Variants in MYO3A observed in about 807,000 individuals in gnomAD.
MYO3A encodes the protein myosin IIIA.
Under a neutral mutation model 192.7 loss-of-function variants are expected in MYO3A, and 180 were observed. The observed-to-expected ratio is 0.93, with a 90% CI of 0.83 to 1.06. The LOEUF (loss-of-function observed/expected upper bound fraction) is 1.06, where lower values mean the gene tolerates loss of function less well. Among genes scored for constraint, MYO3A ranks in the 50% least tolerant of loss-of-function variants. MYO3A has a pLI of 0.00. For missense variants in MYO3A, 1,896 were observed against 1,905.0 expected, an observed-to-expected ratio of 1.00 and a Z score of 0.09; for synonymous variants, 628 against 645.3, an observed-to-expected ratio of 0.97 and a Z score of 0.41.
At chr10:25,998,380 T>C (rs975942656) in intron 6 of MYO3A, among the ~76,000 whole-genome samples, 1 of 152,236 alleles carries the variant, frequency 6.6e-6, no homozygotes, top group African/African-American at 2.4e-5. Context: ...TAGTGTATCC[T>C]CAAACATGCA....
At chr10:26,184,479 C>A (rs531324254) in intron 31 of MYO3A, among the ~76,000 whole-genome samples, 1 of 152,266 alleles carries the variant, frequency 6.6e-6, no homozygotes, top group South Asian at 2.1e-4. Context: ...GATATTTCTG[C>A]AAATTATACT....
intron 14 of MYO3A, among the ~76,000 whole-genome samples, chr10:26,079,733 G>A (rs1302228512): frequency 6.6e-6 from 1 of 152,120 alleles, no homozygotes; most frequent in Non-Finnish European, 1.5e-5. Flanking sequence ...AATTCTCTCA[G>A]CATTTGTTCA....
At chr10:26,009,120 T>C (rs1335122370) in intron 6 of MYO3A, among the ~76,000 whole-genome samples, 1 of 151,712 alleles carries the variant, frequency 6.6e-6, no homozygotes, top group Admixed American at 6.6e-5. Context: ...AGTAAACTAT[T>C]GCAAGAACAA....
Position 25,989,028 on chromosome 10 carries a change from C to T in MYO3A, c.304-7462C>T, listed in dbSNP as rs1482942813. Among the ~76,000 whole-genome samples, 3 of 149,124 alleles carry T rather than the reference C, an allele frequency of 2.0e-5. No homozygotes were observed. The South Asian group carries it at 6.3e-4, about 32-fold the overall frequency. On this transcript the variant is annotated intron_variant, in intron 4 of 34. Coordinates refer to ENST00000642920, the MANE Select transcript of MYO3A (RefSeq NM_017433.5). ...GGGGTGCAGTAGCTCACTGCAGCCT[C>T]GAACTCATGGGCTCATGCAATCCTG...
chr10:25,948,613 A>G (rs1837012787), intron 2 of MYO3A, among the ~76,000 whole-genome samples: 1 of 152,122 alleles, frequency 6.6e-6, no homozygotes, highest in Admixed American at 6.5e-5. Context: ...ATTCATTTTT[A>G]TGTCAAATGC....
intron 18 of MYO3A, among the ~76,000 whole-genome samples, chr10:26,121,753 A>AAC (rs1241975664): frequency 8.6e-5 from 13 of 151,968 alleles, no homozygotes; most frequent in African/African-American, 9.7e-5. Context: ...TCTGTCTCAA[A>AAC]ACACACACAC....
chr10:25,944,302 G>A (rs147049060), intron 2 of MYO3A, among the ~76,000 whole-genome samples: 1 of 152,108 alleles, frequency 6.6e-6, no homozygotes, highest in East Asian at 1.9e-4. Flanking sequence ...TAGTTTGCCT[G>A]TATTTTGTTG....
intron 20 of MYO3A, among the ~76,000 whole-genome samples, chr10:26,141,133 C>T (rs1396095075): frequency 6.6e-6 from 1 of 152,030 alleles, no homozygotes; most frequent in Non-Finnish European, 1.5e-5. Flanking sequence ...TTCACTGTGA[C>T]AGCTAGGATG....
At chr10:25,991,155 C>T (rs1440937425) in intron 4 of MYO3A, among the ~76,000 whole-genome samples, 1 of 152,178 alleles carries the variant, frequency 6.6e-6, no homozygotes, top group Non-Finnish European at 1.5e-5. Context: ...CCTATTTCTC[C>T]ACATCCTCTC....
At chr10:26,000,873 T>A (rs1392264869) in intron 6 of MYO3A, among the ~76,000 whole-genome samples, 1 of 152,180 alleles carries the variant, frequency 6.6e-6, no homozygotes, top group Non-Finnish European at 1.5e-5. Flanking sequence ...TTCCACAGGC[T>A]GTGCATGAGG....
chr10:26,140,391 A>G (rs1840079240), intron 20 of MYO3A, among the ~76,000 whole-genome samples: 1 of 152,150 alleles, frequency 6.6e-6, no homozygotes, highest in Non-Finnish European at 1.5e-5. Flanking sequence ...TTCAATGAAA[A>G]ACAAGGGAGA....
intron 17 of MYO3A, among the ~76,000 whole-genome samples, chr10:26,120,192 A>G (rs1246373422): frequency 1.3e-5 from 2 of 151,966 alleles, no homozygotes; most frequent in African/African-American, 2.4e-5. Flanking sequence ...TTACGCTTAC[A>G]TTTAAACGAC....
chr10:26,022,551 C>T (rs1003009553), intron 8 of MYO3A: 1 of 152,050 alleles, frequency 6.6e-6, no homozygotes, highest in African/African-American at 2.4e-5. Context: ...AATACCTTGG[C>T]TATATATCAT....
At chr10:26,050,050 G>A (rs914027855) in intron 10 of MYO3A, among the ~76,000 whole-genome samples, 4 of 151,880 alleles carry the variant, frequency 2.6e-5, no homozygotes, top group Admixed American at 2.6e-4. Flanking sequence ...TGGTACAGAG[G>A]ACTGTAAAAG....
intron 4 of MYO3A, among the ~76,000 whole-genome samples, chr10:25,981,583 C>T (rs1274091621): frequency 6.6e-6 from 1 of 152,060 alleles, no homozygotes; most frequent in African/African-American, 2.4e-5. Flanking sequence ...GCTCTCAAAA[C>T]TCAACAATAA....
At chr10:26,203,983 A>G (rs940300363) in intron 34 of MYO3A, 3 of 152,226 alleles carry the variant, frequency 2.0e-5, no homozygotes, top group African/African-American at 7.2e-5. Flanking sequence ...CTGCCTCACC[A>G]TGTTGTTGTA....
At chr10:26,003,681 C>A (rs1406093790) in intron 6 of MYO3A, among the ~76,000 whole-genome samples, 2 of 151,724 alleles carry the variant, frequency 1.3e-5, no homozygotes, top group Admixed American at 6.6e-5. Flanking sequence ...TGAAAAAAAA[C>A]AATCTTTATC....
At chr10:26,137,428 T>A (rs1839915750) in intron 20 of MYO3A, among the ~76,000 whole-genome samples, 2 of 152,226 alleles carry the variant, frequency 1.3e-5, no homozygotes, top group Non-Finnish European at 2.9e-5. Flanking sequence ...TTTAATCTCT[T>A]AATCTTGTTA....
At chr10:26,043,311 G>A (rs1843458606) in intron 10 of MYO3A, among the ~76,000 whole-genome samples, 1 of 151,994 alleles carries the variant, frequency 6.6e-6, no homozygotes, top group Non-Finnish European at 1.5e-5. Flanking sequence ...ACCACTACCT[G>A]GCTACTGCCT....
Sources: gnomAD v4.1 joint callset for allele counts (sites outside exome capture counted in the v4.1 genomes callset) on GRCh38, gnomAD v4.1.1 for gene constraint, MANE v1.5 for transcripts, NCBI Gene and HGNC (gene_info 2026-07-23, HGNC 2026-07-21) for gene names.